Variants in PCDH15 observed in about 807,000 individuals in gnomAD.
The protein encoded by PCDH15 is protocadherin-15.
A neutral mutation model predicts 178.5 loss-of-function variants in PCDH15; 129 were observed. The ratio of observed to expected loss-of-function variants is 0.72; its 90% confidence interval spans 0.63 to 0.84. The LOEUF (loss-of-function observed/expected upper bound fraction) is 0.84, where lower values mean the gene tolerates loss of function less well. Among genes scored for constraint, PCDH15 ranks in the 40% least tolerant of loss-of-function variants. The pLI, the probability that PCDH15 is intolerant of heterozygous loss-of-function variation, is 0.00. For missense variants in PCDH15, 2,230 were observed against 2,099.9 expected, an observed-to-expected ratio of 1.06 and a Z score of -1.21; for synonymous variants, 800 against 732.0, an observed-to-expected ratio of 1.09 and a Z score of -1.50.
intron 2 of PCDH15, among the ~76,000 whole-genome samples, chr10:55,627,037 A>G (rs1003109052): frequency 4.2e-4 from 64 of 152,326 alleles, no homozygotes; most frequent in Non-Finnish European, 7.6e-4. Context: ...AGTGAGAGAC[A>G]GAAAGAGAGC....
intron 2 of PCDH15, among the ~76,000 whole-genome samples, chr10:55,089,213 T>C (rs1842254852): frequency 6.6e-6 from 1 of 152,140 alleles, no homozygotes; most frequent in African/African-American, 2.4e-5. Context: ...AATTAAAGCA[T>C]GTTATTTCAC....
At chr10:54,724,919 T>C (rs940479924) in intron 1 of PCDH15, among the ~76,000 whole-genome samples, 1 of 150,316 alleles carries the variant, frequency 6.7e-6, no homozygotes, top group African/African-American at 2.4e-5. Context: ...GATATAGATA[T>C]AGATATAGAT....
intron 13 of PCDH15, among the ~76,000 whole-genome samples, chr10:54,157,342 C>A (rs1436236910): frequency 6.6e-6 from 1 of 152,196 alleles, no homozygotes; most frequent in East Asian, 1.9e-4. Flanking sequence ...CAATTCTTGA[C>A]TTCTGTGCAC....
intron 2 of PCDH15, among the ~76,000 whole-genome samples, chr10:55,387,426 CT>C (rs1354882309): frequency 5.3e-5 from 8 of 152,084 alleles, no homozygotes; most frequent in Admixed American, 5.2e-4. Context: ...AAAATTTTCA[CT>C]GTTAGAAAAA....
rs79309397 is a variant in PCDH15, at chr10:55,406,016, T to C, written c.-156+221609A>G. ...TATTTGAGCAAAGATTTGAAGGAAG[T>C]GATGATAGATTTTTAGTCATGTGGC... On this transcript the variant is annotated intron_variant, in intron 2 of 5. Coordinates refer to the PCDH15 transcript ENST00000613346. Among the ~76,000 whole-genome samples, 1,185 of 150,142 alleles carry C rather than the reference T, an allele frequency of 7.9e-3. 15 individuals are homozygous for C. The highest frequency in any genetic ancestry group is 0.026 in the African/African-American group (1,064 of 40,756).
At chr10:55,497,710 CTT>C (rs1311338415) in intron 2 of PCDH15, among the ~76,000 whole-genome samples, 6 of 151,736 alleles carry the variant, frequency 4.0e-5, no homozygotes, top group Non-Finnish European at 8.8e-5. Flanking sequence ...TGGGAAAAGA[CTT>C]AGTTTGAGTG....
At chr10:55,269,314 A>T (rs1842379142) in intron 1 of PCDH15, among the ~76,000 whole-genome samples, 1 of 152,036 alleles carries the variant, frequency 6.6e-6, no homozygotes, top group African/African-American at 2.4e-5. Flanking sequence ...AAAAAAAGGC[A>T]TTCAAATAGG....
At chr10:55,195,620 A>T (rs1217473396) in intron 1 of PCDH15, among the ~76,000 whole-genome samples, 1 of 148,506 alleles carries the variant, frequency 6.7e-6, no homozygotes, top group South Asian at 2.1e-4. Context: ...GCGCCACTGC[A>T]CTCCAGCCTG....
At chr10:53,957,827 GA>G (rs34769133) in intron 23 of PCDH15, among the ~76,000 whole-genome samples, 13 of 150,880 alleles carry the variant, frequency 8.6e-5, no homozygotes, top group African/African-American at 2.2e-4. Flanking sequence ...TACTGTGTCA[GA>G]AAAAAAAGGA....
intron 25 of PCDH15, among the ~76,000 whole-genome samples, chr10:53,921,186 G>C (rs1007993608): frequency 6.6e-6 from 1 of 152,112 alleles, no homozygotes; most frequent in Non-Finnish European, 1.5e-5. Context: ...AATAGTTTTT[G>C]AAGCAACACA....
intron 13 of PCDH15, among the ~76,000 whole-genome samples, chr10:54,167,112 C>T (rs990888749): frequency 2.0e-5 from 3 of 152,202 alleles, no homozygotes; most frequent in African/African-American, 7.2e-5. Context: ...GGTCTCTTCA[C>T]ATGGACGCGC....
chr10:55,276,541 C>T (rs1395343858), intron 1 of PCDH15, among the ~76,000 whole-genome samples: 1 of 151,278 alleles, frequency 6.6e-6, no homozygotes, highest in Non-Finnish European at 1.5e-5. Flanking sequence ...TACACTAAAG[C>T]AAACTTAAAT....
intron 2 of PCDH15, among the ~76,000 whole-genome samples, chr10:55,163,045 C>A (rs1476383738): frequency 6.6e-6 from 1 of 152,078 alleles, no homozygotes; most frequent in African/African-American, 2.4e-5. Flanking sequence ...TCTGTGGCTC[C>A]AACTCAGAAG....
At chr10:55,449,875 G>A (rs1839396252) in intron 2 of PCDH15, among the ~76,000 whole-genome samples, 2 of 151,196 alleles carry the variant, frequency 1.3e-5, no homozygotes, top group African/African-American at 4.9e-5. Context: ...ACATTACAGT[G>A]TTCGTTTTCA....
In PCDH15 at chr10:55,079,766, T is replaced by C. The variant is rs982987015; in HGVS notation, c.-80+86810A>G. On this transcript the variant is annotated intron_variant, in intron 2 of 5. Transcript: ENST00000458638. The stretch of plus-strand genomic sequence containing the variant: ...CTGGAGAGGTTGGTCCTTAGGCTTC[T>C]ATATGGTGCGCGTGAGTGATCCTGT... Among the ~76,000 whole-genome samples, 27 of 152,106 alleles carry C rather than the reference T, an allele frequency of 1.8e-4. 1 individual carries two copies.
At chr10:53,939,053 C>T (rs2085825719) in intron 24 of PCDH15, 98 bp from the exon 25 acceptor site, 1 of 1,244,688 alleles carries the variant, frequency 8.0e-7, no homozygotes, top group South Asian at 1.2e-5. Flanking sequence ...ACTAAAAATG[C>T]CTATTTATAA....
At chr10:54,988,000 T>G (rs533188704) in intron 2 of PCDH15, among the ~76,000 whole-genome samples, 1 of 152,274 alleles carries the variant, frequency 6.6e-6, no homozygotes, top group African/African-American at 2.4e-5. Flanking sequence ...TTTGGGGTTT[T>G]ACATTACAAT....
At chr10:55,367,373 G>T (rs924177472) in intron 2 of PCDH15, among the ~76,000 whole-genome samples, 1 of 152,010 alleles carries the variant, frequency 6.6e-6, no homozygotes, top group Non-Finnish European at 1.5e-5. Context: ...TTGAGCCCAG[G>T]AGTTTGAGAC....
chr10:54,684,091 A>T (rs892469239), intron 1 of PCDH15, among the ~76,000 whole-genome samples: 26 of 152,086 alleles, frequency 1.7e-4, no homozygotes, highest in African/African-American at 6.3e-4. Context: ...TAAAATAGCG[A>T]TATTTTTCAC....
Sources: allele counts gnomAD v4.1 joint callset (sites outside exome capture counted in the v4.1 genomes callset), GRCh38; gene constraint gnomAD v4.1.1; transcripts MANE v1.5; gene names NCBI Gene and HGNC (gene_info 2026-07-23, HGNC 2026-07-21).